DDX60L: variants seen among roughly 807,000 people sequenced by gnomAD.
DDX60L encodes the protein DExD/H-box 60 like, also known as probable ATP-dependent RNA helicase DDX60-like.
A neutral mutation model predicts 211.6 loss-of-function variants in DDX60L; 191 were observed. The observed-to-expected ratio is 0.90, with a 90% CI of 0.80 to 1.02. The LOEUF (loss-of-function observed/expected upper bound fraction) is 1.02. DDX60L is among the 50% of genes least tolerant of loss of function. The pLI is 0.00. For missense variants in DDX60L, 2,007 were observed against 1,984.1 expected (o/e 1.01, Z -0.22); for synonymous variants, 706 against 694.1 (o/e 1.02, Z -0.27).
At chr4:168,373,889 C>T (rs951735402) in intron 34 of DDX60L, 81 bp from the exon 35 acceptor site, 3 of 1,399,374 alleles carry the variant, frequency 2.1e-6, no homozygotes, top group Non-Finnish European at 3.0e-6. Flanking sequence ...GTAGGTCAAG[C>T]CACAGTAGGT....
chr4:168,434,535 T>A (rs910444077), intron 10 of DDX60L, among the ~76,000 whole-genome samples: 4 of 152,222 alleles, frequency 2.6e-5, no homozygotes, highest in Non-Finnish European at 5.9e-5. Flanking sequence ...ACCAGCAAAT[T>A]TGGATCCCTA....
Position 168,472,445 on chromosome 4 carries a change from C to T in DDX60L, c.74+10G>A, listed in dbSNP as rs1302647738. ...GTATAGCTCCTTCTTTTTTACTTCA[C>T]AGTACTTACCCAGCTTTTGGCATTT... On this transcript the variant is annotated intron_variant, in intron 3 of 37. Coordinates refer to ENST00000682922, the MANE Select transcript of DDX60L (RefSeq NM_001012967.3). The T allele has an allele frequency of 1.3e-6, 2 of 1,550,420 alleles. No homozygotes were observed. The highest frequency in any genetic ancestry group is 1.7e-6 in the Non-Finnish European group (2 of 1,143,548).
intron 24 of DDX60L, among the ~76,000 whole-genome samples, chr4:168,405,676 A>C (rs1747626336): frequency 6.6e-6 from 1 of 152,196 alleles, no homozygotes; most frequent in African/African-American, 2.4e-5. Flanking sequence ...CTCCTGTTAA[A>C]GTTAAAGGTT....
chr4:168,415,647 AT>A lies in DDX60L; in HGVS notation c.2869+9del, dbSNP rs770676488. The stretch of plus-strand genomic sequence containing the variant: ...AAATATATAGTAAAACATAAAAAAA[AT>A]AAGCTTACCAAGTCTAACTTCATAT... On this transcript the variant is annotated intron_variant, in intron 21 of 37. Coordinates refer to ENST00000682922, the MANE Select transcript of DDX60L (RefSeq NM_001012967.3). 10 of 1,539,726 alleles carry A rather than the reference AT, an allele frequency of 6.5e-6. No homozygotes were observed. The highest frequency in any genetic ancestry group is 8.8e-6 in the Non-Finnish European group (10 of 1,142,186).
intron 16 of DDX60L, 47 bp downstream of exon 16, chr4:168,422,477 T>C (rs1332869865): frequency 1.3e-6 from 2 of 1,555,646 alleles, no homozygotes; most frequent in Non-Finnish European, 1.7e-6. Context: ...TAATGAAAAG[T>C]TCTGAAGTCA....
intron 24 of DDX60L, among the ~76,000 whole-genome samples, chr4:168,405,231 C>T (rs1747535015): frequency 6.6e-6 from 1 of 152,136 alleles, no homozygotes; most frequent in Non-Finnish European, 1.5e-5. Context: ...TGGTCACAAG[C>T]TTCTGGCCTC....
chr4:168,478,323 A>G (rs1212939322), intron 1 of DDX60L, among the ~76,000 whole-genome samples: 2 of 152,198 alleles, frequency 1.3e-5, no homozygotes, highest in Non-Finnish European at 2.9e-5. Flanking sequence ...ATTTCAAATG[A>G]ACTTAAGACA....
At chr4:168,397,509 T>C (rs1276355418) in intron 26 of DDX60L, among the ~76,000 whole-genome samples, 1 of 152,122 alleles carries the variant, frequency 6.6e-6, no homozygotes, top group Non-Finnish European at 1.5e-5. Flanking sequence ...AGAAGACAGA[T>C]TTTAAACAAA....
chr4:168,421,072 A>G (rs1750528895), intron 17 of DDX60L, among the ~76,000 whole-genome samples: 1 of 152,308 alleles, frequency 6.6e-6, no homozygotes, highest in African/African-American at 2.4e-5. Flanking sequence ...AGTCATATAT[A>G]CCTGGCTGTA....
chr4:168,437,773 C>T (rs1753252481), intron 10 of DDX60L, among the ~76,000 whole-genome samples: 1 of 152,180 alleles, frequency 6.6e-6, no homozygotes, highest in African/African-American at 2.4e-5. Flanking sequence ...CCGTGGCTTG[C>T]TCTGATAACC....
intron 37 of DDX60L, among the ~76,000 whole-genome samples, chr4:168,359,087 G>T (rs1738665014): frequency 1.3e-5 from 2 of 152,164 alleles, no homozygotes; most frequent in African/African-American, 4.8e-5. Flanking sequence ...GAGTCCCTCA[G>T]CTACCTGACA....
At position 168,448,628 on chromosome 4, in the gene DDX60L, C is replaced by G; in HGVS notation, c.1138+10G>C. 1 of 1,509,682 alleles carries G rather than the reference C, an allele frequency of 6.6e-7. No individual in the cohort carries two copies. Among genetic ancestry groups the G allele is most frequent in the Non-Finnish European group, 9.0e-7 (1 of 1,108,002 alleles). The allele number at this position is 1,509,682 out of a possible 1,614,324, so 93.5% of individuals were successfully genotyped here. A position where few individuals can be genotyped will look rare whatever the true frequency, so the allele number is the denominator to read the frequency against. On this transcript the variant is annotated intron_variant, in intron 9 of 37. Coordinates refer to ENST00000682922, the MANE Select transcript of DDX60L (RefSeq NM_001012967.3). ...TCATGATATAATGTTAATGCATATT[C>G]AGGTACTACCTTGAGTACTTTCAAA...
At chr4:168,473,750 A>G (rs1759112766) in intron 1 of DDX60L, among the ~76,000 whole-genome samples, 1 of 152,140 alleles carries the variant, frequency 6.6e-6, no homozygotes, top group Non-Finnish European at 1.5e-5. Flanking sequence ...CCCCCAAAAT[A>G]AGTTTCTGGC....
intron 36 of DDX60L, among the ~76,000 whole-genome samples, chr4:168,363,824 G>A (rs1253077722): frequency 6.6e-6 from 1 of 152,040 alleles, no homozygotes. Flanking sequence ...AGAAAACAAT[G>A]AACAAAATGG....
chr4:168,442,044 G>C (rs561625938), intron 9 of DDX60L, among the ~76,000 whole-genome samples: 2 of 152,128 alleles, frequency 1.3e-5, no homozygotes, highest in African/African-American at 4.8e-5. Context: ...AGCTCCCAGC[G>C]TGAGCAACGC....
intron 11 of DDX60L, 96 bp downstream of exon 11, chr4:168,432,914 G>T: frequency 1.4e-6 from 1 of 691,190 alleles, no homozygotes; most frequent in African/African-American, 1.8e-5. Flanking sequence ...ACCATATCCT[G>T]ATATGATATA....
chr4:168,392,477 T>C (rs1156773191), intron 28 of DDX60L, among the ~76,000 whole-genome samples: 1 of 152,100 alleles, frequency 6.6e-6, no homozygotes, highest in Non-Finnish European at 1.5e-5. Context: ...TCTGTAAAAG[T>C]TCATCAATAA....
chr4:168,398,020 G>A (rs1045647559), intron 26 of DDX60L, among the ~76,000 whole-genome samples: 20 of 152,038 alleles, frequency 1.3e-4, no homozygotes, highest in African/African-American at 4.3e-4. Context: ...GGGCCTCCCC[G>A]TGCACTTGGG....
intron 36 of DDX60L, among the ~76,000 whole-genome samples, chr4:168,367,308 T>C (rs1360689890): frequency 6.6e-6 from 1 of 152,206 alleles, no homozygotes; most frequent in Non-Finnish European, 1.5e-5. Flanking sequence ...TTTTCTGCAC[T>C]GTTCTTCTGA....
Sources: allele counts gnomAD v4.1 joint callset (sites outside exome capture counted in the v4.1 genomes callset), GRCh38; gene constraint gnomAD v4.1.1; transcripts MANE v1.5; gene names NCBI Gene and HGNC (gene_info 2026-07-23, HGNC 2026-07-21).